The following PSMC6 variants were observed in gnomAD, a reference collection of about 807,000 sequenced individuals.
The protein encoded by PSMC6 is proteasome 26S subunit, ATPase 6, also known as 26S proteasome regulatory subunit 10B.
A neutral mutation model predicts 55.9 loss-of-function variants in PSMC6; 3 were observed. The ratio of observed to expected loss-of-function variants is 0.05; its 90% CI spans 0.02 to 0.14. PSMC6 has a LOEUF of 0.14. PSMC6 is among the 10% of genes least tolerant of loss of function. The pLI, the probability that PSMC6 is intolerant of heterozygous loss-of-function variation, is 1.00. For synonymous variants in PSMC6, 137 were observed against 155.9 expected (o/e 0.88, Z 0.90); for missense variants, 210 against 478.7 (o/e 0.44, Z 5.24).
intron 3 of PSMC6, 61 bp from the exon 4 acceptor site, chr14:52,708,703 G>C: frequency 6.2e-7 from 1 of 1,605,242 alleles, no homozygotes; most frequent in Admixed American, 1.7e-5. Context: ...CTCTGTCAAC[G>C]TGGGTATGTA....
At chr14:52,711,030 TATTAAACTCTCGTTA>T in intron 4 of PSMC6, 56 bp from the exon 5 acceptor site, 1 of 320,994 alleles carries the variant, frequency 3.1e-6, no homozygotes, top group Non-Finnish European at 5.0e-6. Context: ...GGCTTCTAAA[TATTAAACTCTCGTTA>T]GAGTGTTATT....
At chr14:52,717,988 A>T in intron 7 of PSMC6, 93 bp from the exon 8 acceptor site, 1 of 1,185,588 alleles carries the variant, frequency 8.4e-7, no homozygotes, top group Non-Finnish European at 1.2e-6. Context: ...TGATCTCGCC[A>T]CACTCCAGCC....
At chr14:52,724,777 T>C (rs1880335983) in intron 13 of PSMC6, among the ~76,000 whole-genome samples, 1 of 152,250 alleles carries the variant, frequency 6.6e-6, no homozygotes, top group Admixed American at 6.5e-5. Flanking sequence ...AGTTTTTGTC[T>C]TCCATACAGA....
In PSMC6 at chr14:52,727,692, A is replaced by T; in HGVS notation, c.*75A>T. On this transcript the variant is annotated 3_prime_UTR_variant, in exon 14 of 14. Transcript: ENST00000445930. ...AAAATAAAGTTAAAGAAAATAATGT[A>T]TGTATTGGTAATGATGTCATTAAAA... 1.0e-6 allele frequency: 1 copy of T among 970,076 alleles called. No individual in the cohort carries two copies. The highest frequency in any genetic ancestry group is 1.5e-5 in the South Asian group (1 of 66,498). 60.1% of individuals were successfully genotyped at this position (970,076 alleles called of 1,614,324 possible). A position where few individuals can be genotyped will look rare whatever the true frequency, so the allele number is the denominator to read the frequency against.
At position 52,727,481 on chromosome 14, in the gene PSMC6, T is replaced by C; in HGVS notation, c.1052-18T>C. On this transcript the variant is annotated intron_variant, in intron 13 of 13. Coordinates refer to ENST00000445930, the MANE Select transcript of PSMC6 (RefSeq NM_002806.5). ...TCATATGTGATATATAGCAGTCATG[T>C]TGTTTTATTCTCTACAGGTATGTTC... is the stretch of plus-strand genomic sequence containing the variant. 1 of 1,521,924 alleles carries C rather than the reference T, an allele frequency of 6.6e-7. No homozygotes were observed. The highest frequency in any genetic ancestry group is 9.1e-7 in the Non-Finnish European group (1 of 1,099,982). 94.3% of individuals were successfully genotyped at this position (1,521,924 alleles called of 1,614,324 possible).
intron 7 of PSMC6, 139 bp from the exon 8 acceptor site, chr14:52,717,942 C>G (rs528609919): frequency 1.4e-6 from 1 of 713,342 alleles, no homozygotes; most frequent in Non-Finnish European, 2.4e-6. Flanking sequence ...GTGGGAAAAT[C>G]GCTTAGGTCT....
At chr14:52,720,367 CAAAAAAAAAAAAAAA>C (rs71444775) in intron 10 of PSMC6, among the ~76,000 whole-genome samples, 451 of 41,506 alleles carry the variant, frequency 0.011, 10 homozygotes, top group Middle Eastern at 0.056. Context: ...AACTCTGTCT[CAAAAAAAAAAAAAAA>C]AAAAAAAAAA....
intron 13 of PSMC6, among the ~76,000 whole-genome samples, chr14:52,726,935 C>T (rs1880440561): frequency 6.6e-6 from 1 of 151,968 alleles, no homozygotes; most frequent in African/African-American, 2.4e-5. Context: ...AGCCACCGTG[C>T]CCAGCCTTGA....
chr14:52,714,252 G>C (rs1005841154), intron 7 of PSMC6, among the ~76,000 whole-genome samples: 1 of 152,062 alleles, frequency 6.6e-6, no homozygotes, highest in Non-Finnish European at 1.5e-5. Flanking sequence ...TATTGCTCAG[G>C]CTATCTCAAA....
At chr14:52,710,989 T>C in intron 4 of PSMC6, 112 bp from the exon 5 acceptor site, 1 of 927,968 alleles carries the variant, frequency 1.1e-6, no homozygotes, top group Non-Finnish European at 1.7e-6. Flanking sequence ...CTGATATTTG[T>C]GTTCTCTCTG....
chr14:52,709,078 G>A, intron 4 of PSMC6: 1 of 287,466 alleles, frequency 3.5e-6, no homozygotes, highest in East Asian at 7.8e-5. Context: ...TTTTAGAACT[G>A]GAAAACAGAC....
chr14:52,720,731 A>G (rs1025621831), intron 10 of PSMC6, 130 bp from the exon 11 acceptor site: 1 of 706,826 alleles, frequency 1.4e-6, no homozygotes, highest in African/African-American at 1.8e-5. Flanking sequence ...ATTCTATCAA[A>G]TGACCATTCT....
chr14:52,727,018 A>ATTTTTTT (rs66797420), intron 13 of PSMC6, among the ~76,000 whole-genome samples: 3 of 102,140 alleles, frequency 2.9e-5, no homozygotes, highest in African/African-American at 8.1e-5. Flanking sequence ...ACCGCTATGG[A>ATTTTTTT]TTTTTTTTTT....
At chr14:52,714,065 C>T (rs773377073) in intron 7 of PSMC6, 97 bp downstream of exon 7, 33 of 779,292 alleles carry the variant, frequency 4.2e-5, no homozygotes, top group Non-Finnish European at 6.3e-5. Context: ...TTTTGAGACA[C>T]GGTCTCACTC....
At chr14:52,711,384 GA>G in intron 5 of PSMC6, 25 bp from the exon 6 acceptor site, 1 of 1,557,080 alleles carries the variant, frequency 6.4e-7, no homozygotes, top group Non-Finnish European at 8.8e-7. Flanking sequence ...TCTTTCAAAA[GA>G]AAAATACATA....
At chr14:52,714,167 C>T (rs1398614946) in intron 7 of PSMC6, 199 bp downstream of exon 7, 4 of 410,484 alleles carry the variant, frequency 9.7e-6, no homozygotes, top group Non-Finnish European at 1.3e-5. Flanking sequence ...CAGTCTCCCA[C>T]GTAGCTGGGA....
intron 10 of PSMC6, among the ~76,000 whole-genome samples, chr14:52,719,758 A>G (rs1566660252): frequency 2.6e-5 from 4 of 152,238 alleles, no homozygotes; most frequent in South Asian, 4.1e-4. Flanking sequence ...AAATAACACA[A>G]ATACTCATTT....
intron 7 of PSMC6, among the ~76,000 whole-genome samples, chr14:52,716,051 C>T (rs1047758055): frequency 3.3e-5 from 5 of 152,262 alleles, no homozygotes; most frequent in South Asian, 2.1e-4. Flanking sequence ...CCAGTAGTTT[C>T]CAAATAATCA....
At chr14:52,726,792 C>T (rs1222658521) in intron 13 of PSMC6, among the ~76,000 whole-genome samples, 1 of 151,906 alleles carries the variant, frequency 6.6e-6, no homozygotes, top group East Asian at 1.9e-4. Flanking sequence ...CAGATGCCCA[C>T]TACTACGCCC....
Sources: allele counts gnomAD v4.1 joint callset (sites outside exome capture counted in the v4.1 genomes callset), GRCh38; gene constraint gnomAD v4.1.1; transcripts MANE v1.5; gene names NCBI Gene and HGNC (gene_info 2026-07-23, HGNC 2026-07-21).